The following GPHN variants were observed in gnomAD, a reference collection of about 807,000 sequenced individuals.
The protein encoded by GPHN is gephyrin.
In GPHN, 17 loss-of-function variants were observed where a neutral mutation model predicts 95.5. The ratio of observed to expected loss-of-function variants is 0.18; its 90% CI spans 0.12 to 0.27. The LOEUF is 0.27. GPHN is among the 10% of genes least tolerant of loss of function. The probability of loss-of-function intolerance (pLI) is 1.00; values close to 1 mark genes in which losing one functional copy is unlikely to be tolerated. For missense variants in GPHN, 660 were observed against 978.1 expected (o/e 0.67, Z 4.34); for synonymous variants, 320 against 322.5 (o/e 0.99, Z 0.08).
chr14:67,576,199 A>T, the GPHN span, among the ~76,000 whole-genome samples: 1 of 152,248 alleles, frequency 6.6e-6, no homozygotes, highest in African/African-American at 2.4e-5. This position sits in a 1 kb window ranked among gnomAD's most constrained non-coding sequence, Gnocchi z 4.0. Flanking sequence ...CACTGAGGTC[A>T]TGTAATAGAA....
At chr14:67,317,364 T>TTCA in the GPHN span, 1 of 1,490,730 alleles carries the variant, frequency 6.7e-7, no homozygotes. Context: ...TGTGGTTTTG[T>TTCA]TCACGGGAAC....
the GPHN span, chr14:67,393,253 G>A: frequency 1.3e-6 from 2 of 1,595,108 alleles, no homozygotes; most frequent in Admixed American, 1.7e-5. Flanking sequence ...TACATGGAAG[G>A]GAAGGCAAAG....
chr14:67,321,305 C>T, the GPHN span: 2 of 1,574,032 alleles, frequency 1.3e-6, no homozygotes, highest in Middle Eastern at 1.7e-4. Flanking sequence ...GAAGGAATGT[C>T]ATATAGAGTA....
chr14:67,639,115 T>G, the GPHN span, among the ~76,000 whole-genome samples: 1 of 152,218 alleles, frequency 6.6e-6, no homozygotes, highest in Non-Finnish European at 1.5e-5. Flanking sequence ...TTCTATGAAA[T>G]TCAGTCTCTC....
chr14:67,700,572 G>A, the GPHN span, among the ~76,000 whole-genome samples: 205 of 151,942 alleles, frequency 1.3e-3, 1 homozygote, highest in Admixed American at 5.0e-3. Context: ...AAAATTAGCC[G>A]GGCGTGGTGG....
chr14:67,510,582 A>C, the GPHN span, among the ~76,000 whole-genome samples: 1 of 152,238 alleles, frequency 6.6e-6, no homozygotes, highest in African/African-American at 2.4e-5. Context: ...AAAGAAAACA[A>C]GACAAAAATC....
chr14:67,322,285 T>C, the GPHN span, among the ~76,000 whole-genome samples: 1 of 152,168 alleles, frequency 6.6e-6, no homozygotes, highest in African/African-American at 2.4e-5. Flanking sequence ...GAGGCGGAGA[T>C]TGCAGTGAGC....
intron 8 of GPHN, among the ~76,000 whole-genome samples, chr14:66,933,719 T>C (rs2066948538): frequency 1.3e-5 from 2 of 152,192 alleles, no homozygotes; most frequent in African/African-American, 4.8e-5. Flanking sequence ...ATGACATATA[T>C]GAGGAAATTT....
At chr14:67,278,770 A>G in the GPHN span, among the ~76,000 whole-genome samples, 1 of 152,156 alleles carries the variant, frequency 6.6e-6, no homozygotes, top group African/African-American at 2.4e-5. Flanking sequence ...CCAGTATTGT[A>G]TATCATTTTT....
At chr14:67,080,781 C>T (rs1352176117) in intron 11 of GPHN, among the ~76,000 whole-genome samples, 1 of 152,060 alleles carries the variant, frequency 6.6e-6, no homozygotes, top group African/African-American at 2.4e-5. Flanking sequence ...CCCCCAAGTC[C>T]CCAAAGTCCG....
the GPHN span, among the ~76,000 whole-genome samples, chr14:67,459,516 T>A: frequency 6.6e-6 from 1 of 152,238 alleles, no homozygotes; most frequent in Non-Finnish European, 1.5e-5. Context: ...TAGAGACCTA[T>A]TTAAAGTTCT....
chr14:66,893,312 G>T (rs899710325), intron 5 of GPHN, among the ~76,000 whole-genome samples: 3 of 152,090 alleles, frequency 2.0e-5, no homozygotes, highest in African/African-American at 7.2e-5. Flanking sequence ...GGGGCTCATC[G>T]GACAGTGGGG....
the GPHN span, among the ~76,000 whole-genome samples, chr14:67,700,754 G>T: frequency 1.3e-5 from 2 of 150,498 alleles, no homozygotes; most frequent in African/African-American, 2.5e-5. Flanking sequence ...GCTGGGCATG[G>T]TGACTCATGC....
intron 1 of GPHN, among the ~76,000 whole-genome samples, chr14:66,550,730 C>G (rs1000985985): frequency 1.3e-5 from 2 of 152,196 alleles, no homozygotes; most frequent in Non-Finnish European, 2.9e-5. Context: ...CAACCTTCAG[C>G]AGCCACCACC....
chr14:66,539,487 T>C (rs1445021622), intron 1 of GPHN, among the ~76,000 whole-genome samples: 1 of 145,064 alleles, frequency 6.9e-6, no homozygotes, highest in Non-Finnish European at 1.5e-5. Context: ...TGATCTCGGC[T>C]CACTGCAACC....
At chr14:66,815,945 A>G (rs372481807) in intron 3 of GPHN, among the ~76,000 whole-genome samples, 2 of 152,160 alleles carry the variant, frequency 1.3e-5, no homozygotes, top group East Asian at 3.9e-4. Flanking sequence ...CACTGGTTCA[A>G]AAAAAAGGGA....
intron 1 of GPHN, among the ~76,000 whole-genome samples, chr14:66,623,560 A>G (rs368025399): frequency 1.2e-3 from 180 of 150,672 alleles, no homozygotes; most frequent in African/African-American, 4.0e-3. Context: ...GGAGGTTGCA[A>G]TAAGCTGAGA....
chr14:66,660,829 A>G (rs540480063), intron 1 of GPHN, among the ~76,000 whole-genome samples: 2 of 152,236 alleles, frequency 1.3e-5, no homozygotes, highest in Admixed American at 1.3e-4. Context: ...CTTACCTGGG[A>G]GCAACATGGA....
the GPHN span, chr14:67,725,252 C>A: frequency 6.2e-7 from 1 of 1,613,018 alleles, no homozygotes; most frequent in Non-Finnish European, 8.5e-7. Context: ...GGCTTTCTGG[C>A]AGGTGAGGTC....
Sources: allele counts gnomAD v4.1 joint callset (sites outside exome capture counted in the v4.1 genomes callset), GRCh38; gene constraint gnomAD v4.1.1; non-coding constraint Gnocchi (gnomAD v3.1); transcripts MANE v1.5; gene names NCBI Gene and HGNC (gene_info 2026-07-23, HGNC 2026-07-21).